VAV3: variants seen among roughly 807,000 people sequenced by gnomAD.
The protein encoded by VAV3 is guanine nucleotide exchange factor VAV3.
Under a neutral mutation model 131.2 loss-of-function variants are expected in VAV3, and 94 were observed. That is an observed-to-expected ratio of 0.72 (90% confidence interval 0.61 to 0.85). The LOEUF is 0.85. Ranked by LOEUF, VAV3 falls within the 40% of genes least tolerant of loss-of-function variation. VAV3 has a pLI of 0.00. For missense variants in VAV3, 939 were observed against 1,002.7 expected (o/e 0.94, Z 0.86); for synonymous variants, 349 against 342.0 (o/e 1.02, Z -0.22).
intron 21 of VAV3, among the ~76,000 whole-genome samples, chr1:107,611,294 G>A (rs1652706466): frequency 6.6e-6 from 1 of 152,030 alleles, no homozygotes; most frequent in Non-Finnish European, 1.5e-5. Flanking sequence ...ACATTTCTTT[G>A]ATTATTAATA....
chr1:107,861,856 T>C (rs79547630), intron 2 of VAV3, among the ~76,000 whole-genome samples: 2,387 of 151,786 alleles, frequency 0.016, 69 homozygotes, highest in African/African-American at 0.045. Flanking sequence ...GTAAAGCCTA[T>C]ACCTAAGGTC....
intron 19 of VAV3, among the ~76,000 whole-genome samples, chr1:107,643,571 T>C (rs979259694): frequency 6.6e-6 from 1 of 152,114 alleles, no homozygotes; most frequent in Non-Finnish European, 1.5e-5. Context: ...CTCATAAACA[T>C]GATATTTTTT....
intron 19 of VAV3, among the ~76,000 whole-genome samples, chr1:107,682,774 C>T (rs970492617): frequency 6.6e-6 from 1 of 152,166 alleles, no homozygotes; most frequent in African/African-American, 2.4e-5. Context: ...TCTCATGTTC[C>T]CCTTGGTTTA....
intron 15 of VAV3, among the ~76,000 whole-genome samples, chr1:107,724,444 A>G (rs1661704724): frequency 6.6e-6 from 1 of 152,182 alleles, no homozygotes; most frequent in Non-Finnish European, 1.5e-5. Context: ...GTGTTTATTA[A>G]ATGCCTGATG....
chr1:107,662,245 C>T (rs1657075387), intron 19 of VAV3, among the ~76,000 whole-genome samples: 1 of 152,140 alleles, frequency 6.6e-6, no homozygotes, highest in Non-Finnish European at 1.5e-5. Context: ...AGTCCCCTTC[C>T]TCCGAGTGAT....
chr1:107,610,106 C>G lies in VAV3; in HGVS notation c.1981-141G>C, dbSNP rs915912548. On this transcript the variant is annotated intron_variant, in intron 21 of 26. Coordinates refer to ENST00000370056, the MANE Select transcript of VAV3 (RefSeq NM_006113.5). ...GGAACTATCCATTGGTAATTTTATACAGAGTGAATCATAGTATCTGTCAGA... is the reference window on the plus strand; with the variant it reads ...GGAACTATCCATTGGTAATTTTATAGAGAGTGAATCATAGTATCTGTCAGA... The G allele has an allele frequency of 5.2e-5, 32 of 609,952 alleles. No individual in the cohort carries two copies. In the African/African-American group the frequency reaches 5.5e-4, roughly 10 times the overall value. The allele number at this position is 609,952 out of a possible 1,614,324, so 37.8% of individuals were successfully genotyped here.
intron 3 of VAV3, among the ~76,000 whole-genome samples, chr1:107,778,812 C>A (rs1355431177): frequency 6.6e-6 from 1 of 152,182 alleles, no homozygotes; most frequent in Non-Finnish European, 1.5e-5. Flanking sequence ...TATAATACAT[C>A]TTTGCTGACT....
intron 22 of VAV3, among the ~76,000 whole-genome samples, chr1:107,604,941 C>G (rs1652152296): frequency 1.3e-5 from 2 of 152,214 alleles, no homozygotes; most frequent in South Asian, 4.1e-4. Flanking sequence ...CAATTTTAAA[C>G]ATAAGGAAGG....
intron 19 of VAV3, among the ~76,000 whole-genome samples, chr1:107,656,977 G>A (rs1445294961): frequency 3.4e-5 from 4 of 116,208 alleles, no homozygotes; most frequent in Non-Finnish European, 4.8e-5. Flanking sequence ...TTTCCGAGAC[G>A]ATGTCTCGCT....
At chr1:107,839,898 A>C (rs1668620595) in intron 2 of VAV3, among the ~76,000 whole-genome samples, 1 of 152,164 alleles carries the variant, frequency 6.6e-6, no homozygotes, top group Admixed American at 6.5e-5. Flanking sequence ...AATGAACAAC[A>C]CTATGCCCAC....
intron 9 of VAV3, 40 bp from the exon 10 acceptor site, chr1:107,760,919 A>C (rs770755175): frequency 6.7e-6 from 10 of 1,485,606 alleles, no homozygotes; most frequent in Non-Finnish European, 9.4e-6. Context: ...AGGGAGTCAT[A>C]AACATTAAAA....
chr1:107,803,842 T>C (rs974464700), intron 2 of VAV3, among the ~76,000 whole-genome samples: 1 of 152,018 alleles, frequency 6.6e-6, no homozygotes, highest in Non-Finnish European at 1.5e-5. Flanking sequence ...TTATTGAGAG[T>C]GGAGTGTTAA....
intron 1 of VAV3, among the ~76,000 whole-genome samples, chr1:107,904,719 G>A (rs1672021030): frequency 6.6e-6 from 1 of 152,164 alleles, no homozygotes; most frequent in Non-Finnish European, 1.5e-5. Context: ...TTGGGATATA[G>A]ATCAGTAAAC....
chr1:107,676,658 C>CAT (rs1464920760), intron 19 of VAV3, among the ~76,000 whole-genome samples: 1 of 152,072 alleles, frequency 6.6e-6, no homozygotes, highest in Non-Finnish European at 1.5e-5. Flanking sequence ...TAATCAAAAG[C>CAT]ATATTGGTTG....
chr1:107,942,309 G>T (rs892838351), intron 1 of VAV3, among the ~76,000 whole-genome samples: 3 of 152,168 alleles, frequency 2.0e-5, no homozygotes, highest in Admixed American at 6.5e-5. Flanking sequence ...CCCACAGCGA[G>T]AAGACAGCAG....
chr1:107,620,871 A>G (rs1380003312), intron 20 of VAV3, among the ~76,000 whole-genome samples: 1 of 152,172 alleles, frequency 6.6e-6, no homozygotes, highest in Non-Finnish European at 1.5e-5. Context: ...TGTTCCACAC[A>G]AAAGACATAA....
At chr1:107,731,930 G>A (rs1662264647) in intron 15 of VAV3, among the ~76,000 whole-genome samples, 1 of 152,138 alleles carries the variant, frequency 6.6e-6, no homozygotes, top group African/African-American at 2.4e-5. Context: ...TTATATATTG[G>A]TGTCAAATGG....
intron 21 of VAV3, among the ~76,000 whole-genome samples, chr1:107,614,195 T>C (rs1426847955): frequency 6.6e-6 from 1 of 152,058 alleles, no homozygotes; most frequent in Non-Finnish European, 1.5e-5. Context: ...GCTTTGTCTC[T>C]AGTTGCCATA....
At chr1:107,954,823 G>A (rs1674730805) in intron 1 of VAV3, among the ~76,000 whole-genome samples, 1 of 151,420 alleles carries the variant, frequency 6.6e-6, no homozygotes, top group South Asian at 2.1e-4. Flanking sequence ...TAGGCCGATA[G>A]CCTCGCTGAC....
Sources: allele counts gnomAD v4.1 joint callset (sites outside exome capture counted in the v4.1 genomes callset), GRCh38; gene constraint gnomAD v4.1.1; transcripts MANE v1.5; gene names NCBI Gene and HGNC (gene_info 2026-07-23, HGNC 2026-07-21).